CSMD1: variants seen among roughly 807,000 people sequenced by gnomAD.
CSMD1 encodes the protein CUB and Sushi multiple domains 1, also known as CUB and sushi domain-containing protein 1.
CSMD1 carries 213 observed loss-of-function variants against 417.5 expected under a neutral mutation model. The observed-to-expected ratio is 0.51, with a 90% CI of 0.46 to 0.57. CSMD1 has a LOEUF of 0.57. CSMD1 is among the 20% of genes least tolerant of loss of function. The probability of loss-of-function intolerance (pLI) is 0.00; values close to 1 mark genes in which losing one functional copy is unlikely to be tolerated. For missense variants in CSMD1, 6,923 were observed against 4,529.7 expected (o/e 1.53, Z -15.17); for synonymous variants, 2,862 against 1,736.8 (o/e 1.65, Z -16.11).
intron 12 of CSMD1, among the ~76,000 whole-genome samples, chr8:3,443,162 C>T (rs1815097505): frequency 6.6e-6 from 1 of 152,150 alleles, no homozygotes; most frequent in Non-Finnish European, 1.5e-5. Flanking sequence ...CCACGTGTCA[C>T]CTTCTGCTGC....
chr8:4,197,392 T>G (rs952687986), intron 3 of CSMD1, among the ~76,000 whole-genome samples: 5 of 152,214 alleles, frequency 3.3e-5, no homozygotes, highest in African/African-American at 9.6e-5. Flanking sequence ...TGTTTTTACA[T>G]AAGATGAACA....
chr8:3,146,698 C>T (rs1010929585), intron 40 of CSMD1, among the ~76,000 whole-genome samples: 11 of 152,024 alleles, frequency 7.2e-5, no homozygotes, highest in South Asian at 2.1e-4. Context: ...AGGTCACTGT[C>T]GGTTACTGAG....
At chr8:3,869,997 G>A (rs1193271566) in intron 5 of CSMD1, among the ~76,000 whole-genome samples, 2 of 151,810 alleles carry the variant, frequency 1.3e-5, no homozygotes, top group African/African-American at 2.4e-5. Flanking sequence ...CATAACTAGA[G>A]GAAAAGTGTA....
At chr8:4,347,540 C>G (rs986010749) in intron 3 of CSMD1, among the ~76,000 whole-genome samples, 1 of 152,148 alleles carries the variant, frequency 6.6e-6, no homozygotes, top group African/African-American at 2.4e-5. Context: ...ATAAGGCTGT[C>G]TCAACAGAAA....
chr8:4,451,268 C>A (rs1007990701), intron 2 of CSMD1, among the ~76,000 whole-genome samples: 8 of 152,108 alleles, frequency 5.3e-5, no homozygotes, highest in African/African-American at 1.7e-4. Flanking sequence ...GAGGTCCAGG[C>A]GGCAGTGATC....
chr8:3,412,016 A>G lies in CSMD1; in HGVS notation c.1562-2411T>C, dbSNP rs201027759. ...CGTGTATATACACGTATATATATAC[A>G]TATACACACGTATATATACACATAT... On this transcript the variant is annotated intron_variant, in intron 12 of 69. Transcript: ENST00000635120. 6.9e-3 allele frequency among the ~76,000 whole-genome samples: 63 copies of G among 9,176 alleles called. 19 individuals are homozygous for G. Among genetic ancestry groups the G allele is most frequent in the African/African-American group, 0.019 (50 of 2,576 alleles). The allele number at this position is 9,176 out of a possible 152,430, so 6.0% of individuals were successfully genotyped here.
chr8:4,578,103 T>C (rs1012120338), intron 2 of CSMD1, among the ~76,000 whole-genome samples: 2 of 152,154 alleles, frequency 1.3e-5, no homozygotes, highest in African/African-American at 4.8e-5. Flanking sequence ...GAGCTGCTTC[T>C]AGCAATTTTA....
At chr8:3,815,871 C>G (rs953554254) in intron 5 of CSMD1, among the ~76,000 whole-genome samples, 1 of 152,008 alleles carries the variant, frequency 6.6e-6, no homozygotes, top group Non-Finnish European at 1.5e-5. Context: ...CAGTGATGCT[C>G]CAGACTTGTT....
intron 7 of CSMD1, among the ~76,000 whole-genome samples, chr8:3,643,166 G>A (rs1210560109): frequency 2.0e-5 from 3 of 152,002 alleles, no homozygotes; most frequent in Non-Finnish European, 4.4e-5. Flanking sequence ...TTATAAGTGA[G>A]AGCCACATCC....
intron 2 of CSMD1, among the ~76,000 whole-genome samples, chr8:4,485,900 T>C (rs1801352094): frequency 6.6e-6 from 1 of 151,946 alleles, no homozygotes; most frequent in Non-Finnish European, 1.5e-5. Flanking sequence ...AAGAAGTGGA[T>C]TTCCTGGCAG....
At chr8:2,963,545 C>G in intron 59 of CSMD1, 150 bp from the exon 60 acceptor site, 1 of 768,732 alleles carries the variant, frequency 1.3e-6, no homozygotes, top group East Asian at 2.6e-5. Flanking sequence ...CCAAGGAAGA[C>G]AGTACATCAA....
chr8:3,611,016 G>A (rs756456762), intron 8 of CSMD1, among the ~76,000 whole-genome samples: 1 of 145,852 alleles, frequency 6.9e-6, no homozygotes, highest in Non-Finnish European at 1.5e-5. Context: ...CTCACTCATA[G>A]GTGGGAACTG....
In CSMD1 at chr8:4,566,183, C is replaced by T. The variant is rs185742386; in HGVS notation, c.302+71159G>A. Among the ~76,000 whole-genome samples the T allele has an allele frequency of 1.6e-4, 25 of 152,064 alleles. No individual in the cohort carries two copies. The East Asian group carries it at 2.7e-3, about 17-fold the overall frequency. ...TCAGCACTGAATGATGAGATTGATCCATCTACAATAGACCATGCTAGTCAA... is the reference window on the plus strand; with the variant it reads ...TCAGCACTGAATGATGAGATTGATCTATCTACAATAGACCATGCTAGTCAA... On this transcript the variant is annotated intron_variant, in intron 2 of 69. Transcript: ENST00000635120.
At chr8:3,983,236 T>A (rs1031757725) in intron 5 of CSMD1, among the ~76,000 whole-genome samples, 4 of 151,402 alleles carry the variant, frequency 2.6e-5, no homozygotes, top group Admixed American at 6.6e-5. Context: ...GTTCACGCCA[T>A]TCTCCTGCCT....
chr8:3,906,178 G>T (rs943565178), intron 5 of CSMD1, among the ~76,000 whole-genome samples: 2 of 152,072 alleles, frequency 1.3e-5, no homozygotes, highest in African/African-American at 4.8e-5. Context: ...TTTGTGATAT[G>T]GGTTAATGTA....
chr8:4,199,339 T>A (rs1041438572), intron 3 of CSMD1, among the ~76,000 whole-genome samples: 1 of 152,174 alleles, frequency 6.6e-6, no homozygotes, highest in Non-Finnish European at 1.5e-5. Context: ...GTATCTGAAG[T>A]CTACCTCTAA....
chr8:3,476,795 G>A (rs1473340560), intron 11 of CSMD1, among the ~76,000 whole-genome samples: 1 of 151,674 alleles, frequency 6.6e-6, no homozygotes, highest in Non-Finnish European at 1.5e-5. Flanking sequence ...GCAGACATCT[G>A]TAATCCCAGC....
At chr8:4,120,502 A>C (rs1230310075) in intron 3 of CSMD1, among the ~76,000 whole-genome samples, 1 of 152,184 alleles carries the variant, frequency 6.6e-6, no homozygotes, top group Non-Finnish European at 1.5e-5. Context: ...CCAGGAGATC[A>C]ATTATTTCCA....
intron 1 of CSMD1, among the ~76,000 whole-genome samples, chr8:4,913,295 C>A (rs972426783): frequency 2.0e-5 from 3 of 152,178 alleles, no homozygotes; most frequent in African/African-American, 7.2e-5. Context: ...CTATTGCTAT[C>A]CTCATTTGGT....
Sources: gnomAD v4.1 joint callset for allele counts (sites outside exome capture counted in the v4.1 genomes callset) on GRCh38, gnomAD v4.1.1 for gene constraint, MANE v1.5 for transcripts, NCBI Gene and HGNC (gene_info 2026-07-23, HGNC 2026-07-21) for gene names.